Variants in EME1 observed in about 807,000 individuals in gnomAD.
EME1 encodes the protein structure-specific endonuclease subunit EME1.
Under a neutral mutation model 59.1 loss-of-function variants are expected in EME1, and 61 were observed. The observed-to-expected ratio is 1.03, with a 90% confidence interval of 0.84 to 1.28. EME1 has a LOEUF of 1.28. EME1 is among the 50% of genes most tolerant of loss of function. The pLI is 0.00. For missense variants in EME1, 635 were observed against 682.6 expected (o/e 0.93, Z 0.78); for synonymous variants, 230 against 254.2 (o/e 0.90, Z 0.90).
chr17:50,375,364 T>C lies in EME1; in HGVS notation c.156T>C (p.Cys52=). 1 of 1,614,208 alleles carries C rather than the reference T, an allele frequency of 6.2e-7. No individual in the cohort carries two copies. Among genetic ancestry groups the C allele is most frequent in the Non-Finnish European group, 8.5e-7 (1 of 1,180,038 alleles). Reference sequence around the variant, plus strand: ...TTGTAGTGGTTGACATCTCAGATTGTGAAGCCTCCTGTCCTCCAGCACCAG... The same window carrying C: ...TTGTAGTGGTTGACATCTCAGATTGCGAAGCCTCCTGTCCTCCAGCACCAG... ...EKIVVVDISD[C]EASCPPAPEL... is the part of the protein sequence containing the mutation. Residue 52 remains cysteine (C), a synonymous_variant, in exon 2 of 9, where the codon TGT becomes TGC. Coordinates refer to ENST00000338165, the MANE Select transcript of EME1 (RefSeq NM_152463.4).
At chr17:50,378,948 G>A in intron 5 of EME1, 53 bp downstream of exon 5, 2 of 1,613,640 alleles carry the variant, frequency 1.2e-6, no homozygotes, top group Admixed American at 3.3e-5. Flanking sequence ...CTTGGGCCAA[G>A]GGGGGTGAGT....
In EME1 at chr17:50,379,520, C is replaced by T. The variant is rs781013256; in HGVS notation, c.1299C>T (p.Ala433=). The part of the protein sequence containing the change: ...AQIVQSWKEL[A]DFTCAFTKAV... The stretch of plus-strand genomic sequence containing the variant: ...TTGTGCAGAGCTGGAAAGAGCTGGC[C>T]GACTTCACATGCGCATTCACAAAGG... The change falls in exon 7 of 9, where the codon GCC becomes GCT. Residue 433 remains alanine, a synonymous_variant. Coordinates refer to ENST00000338165, the MANE Select transcript of EME1 (RefSeq NM_152463.4). 6.2e-6 allele frequency: 10 copies of T among 1,614,176 alleles called. No individual in the cohort carries two copies. Among genetic ancestry groups the T allele is most frequent in the East Asian group, 4.5e-5 (2 of 44,884 alleles).
intron 7 of EME1, 177 bp from the exon 8 acceptor site, chr17:50,380,135 T>C: frequency 3.4e-6 from 2 of 587,254 alleles, no homozygotes; most frequent in Non-Finnish European, 6.0e-6. Flanking sequence ...AATCAGCAAC[T>C]GGCCCTATAC....
Position 50,375,794 on chromosome 17 carries a change from C to T in EME1, c.586C>T (p.Gln196Ter). ...AACAAATTCTGACATCCTTCCACCC[C>T]AGAAGAAAACCAAGCCGAGTCAGAA... is the stretch of plus-strand genomic sequence containing the variant. ...TKTNSDILPP[Q>*]KKTKPSQKVQ... Residue 196 changes from glutamine (Q) to a stop codon, truncating the protein, a stop_gained, in exon 2 of 9, where the codon CAG (glutamine) becomes TAG (stop). Coordinates refer to ENST00000338165, the MANE Select transcript of EME1 (RefSeq NM_152463.4). LOFTEE classifies it high-confidence loss of function. 6.2e-7 allele frequency: 1 copy of T among 1,614,150 alleles called. No individual in the cohort carries two copies. Among genetic ancestry groups the T allele is most frequent in the South Asian group, 1.1e-5 (1 of 91,082 alleles).
At position 50,378,597 on chromosome 17, in the gene EME1, C is replaced by G. The variant is rs1330898947; in HGVS notation, c.906C>G (p.Asp302Glu). ...TWRRRAGPSE[D>E]REDWVEEPTV... ...CTGTGTTCTGGGTACTTTGGCAGGACAGAGAGGACTGGGTGGAGGAGCCAA... is the reference window on the plus strand; with the variant it reads ...CTGTGTTCTGGGTACTTTGGCAGGAGAGAGAGGACTGGGTGGAGGAGCCAA... Residue 302 changes from aspartate (D) to glutamate (E), a missense_variant and splice_region_variant, in exon 4 of 9, where the codon GAC becomes GAG. Asp to Glu is a conservative substitution (Grantham distance 45, BLOSUM62 2). Transcript: ENST00000338165. The G allele has an allele frequency of 6.2e-7, 1 of 1,613,374 alleles. No individual in the cohort carries two copies. Among genetic ancestry groups the G allele is most frequent in the Non-Finnish European group, 8.5e-7 (1 of 1,179,894 alleles).
intron 8 of EME1, 75 bp from the exon 9 acceptor site, chr17:50,380,688 G>A (rs1054369330): frequency 1.9e-5 from 30 of 1,597,344 alleles, no homozygotes; most frequent in African/African-American, 1.1e-4. Flanking sequence ...CAAGCCAAGC[G>A]TAGCACCCTC....
intron 7 of EME1, chr17:50,380,095 C>T (rs1360881238): frequency 4.0e-6 from 2 of 505,062 alleles, no homozygotes; most frequent in African/African-American, 3.9e-5. Context: ...TTTTCTTCTA[C>T]TATAATGGAC....
intron 1 of EME1, among the ~76,000 whole-genome samples, chr17:50,373,931 A>G (rs903914596): frequency 1.3e-5 from 2 of 152,278 alleles, no homozygotes; most frequent in Non-Finnish European, 2.9e-5. Context: ...CTACTGATAC[A>G]GGCTACATCA....
chr17:50,381,075 T>C lies in EME1; in HGVS notation c.*136T>C. Reference sequence around the variant, plus strand: ...GAGGCCCAGTCTTTCTTGGGTCTTATTATTTGTGAAGGTCTCTCTGCCTGT... The same window carrying C: ...GAGGCCCAGTCTTTCTTGGGTCTTACTATTTGTGAAGGTCTCTCTGCCTGT... On this transcript the variant is annotated 3_prime_UTR_variant, in exon 9 of 9. Coordinates refer to ENST00000338165, the MANE Select transcript of EME1 (RefSeq NM_152463.4). The C allele has an allele frequency of 3.1e-6, 3 of 964,694 alleles. No homozygotes were observed. The South Asian group carries it at 5.1e-5, about 16-fold the overall frequency. The allele number at this position is 964,694 out of a possible 1,614,324, so 59.8% of individuals were successfully genotyped here.
intron 7 of EME1, 180 bp downstream of exon 7, chr17:50,379,747 C>T (rs184136706): frequency 1.7e-6 from 1 of 591,138 alleles, no homozygotes; most frequent in East Asian, 2.8e-5. Context: ...AAGCCTAGCG[C>T]CTTTTCAAAT....
At chr17:50,376,892 G>T (rs1913502118) in intron 3 of EME1, among the ~76,000 whole-genome samples, 1 of 152,170 alleles carries the variant, frequency 6.6e-6, no homozygotes, top group Admixed American at 6.5e-5. Flanking sequence ...TGGGCCCTGT[G>T]TTTTTTGTAG....
At chr17:50,380,015 C>T (rs1301986689) in intron 7 of EME1, 3 of 363,242 alleles carry the variant, frequency 8.3e-6, no homozygotes, top group African/African-American at 4.1e-5. Flanking sequence ...ATTGACTTGT[C>T]TAAGCTCCTA....
At chr17:50,379,891 G>T in intron 7 of EME1, 1 of 327,924 alleles carries the variant, frequency 3.0e-6, no homozygotes, top group Non-Finnish European at 5.7e-6. Context: ...CAAATTTTTG[G>T]CCTACTCAGT....
At chr17:50,380,724 T>G (rs372672525) in intron 8 of EME1, 39 bp from the exon 9 acceptor site, 10 of 1,611,976 alleles carry the variant, frequency 6.2e-6, no homozygotes, top group African/African-American at 1.3e-5. Context: ...GGGATCACCA[T>G]GGATGGTACC....
At chr17:50,379,920 C>A in intron 7 of EME1, 1 of 299,714 alleles carries the variant, frequency 3.3e-6, no homozygotes, top group Admixed American at 4.6e-5. Context: ...TGTTCACTGT[C>A]AGAATTTAAA....
At position 50,376,203 on chromosome 17, in the gene EME1, T is replaced by A. The variant is rs780288194; in HGVS notation, c.903+10T>A. 8.1e-6 allele frequency: 13 copies of A among 1,609,764 alleles called. 1 individual carries two copies. In the South Asian group the frequency reaches 1.4e-4, roughly 18 times the overall value. On this transcript the variant is annotated intron_variant, in intron 3 of 8. Transcript: ENST00000338165. ...GGCTGGGCCGTCTGAGGTAGGAGTT[T>A]TCTGGCTGACATTTCCTCCCTCTCC... is the stretch of plus-strand genomic sequence containing the variant.
Position 50,376,203 on chromosome 17 carries a change from T to C in EME1, c.903+10T>C. The C allele has an allele frequency of 6.2e-7, 1 of 1,609,882 alleles. No homozygotes were observed. The highest frequency in any genetic ancestry group is 1.3e-5 in the African/African-American group (1 of 74,958). On this transcript the variant is annotated intron_variant, in intron 3 of 8. Coordinates refer to ENST00000338165, the MANE Select transcript of EME1 (RefSeq NM_152463.4). ...GGCTGGGCCGTCTGAGGTAGGAGTT[T>C]TCTGGCTGACATTTCCTCCCTCTCC...
rs144301300 is a variant in EME1, at chr17:50,374,297, G to A, written c.-24-888G>A. Among the ~76,000 whole-genome samples, 264 of 152,192 alleles carry A rather than the reference G, an allele frequency of 1.7e-3. 9 individuals carry two copies. The East Asian group carries it at 0.042, about 24-fold the overall frequency. On this transcript the variant is annotated intron_variant, in intron 1 of 8. Transcript: ENST00000338165. ...CTGTCACCCGGGCTGGAGTGCAGTC[G>A]TACAATCACAGCTCACTGCAGCCTT...
Position 50,378,639 on chromosome 17 carries a change from C to T in EME1, c.948C>T (p.Leu316=). 4.3e-6 allele frequency: 7 copies of T among 1,614,042 alleles called. No homozygotes were observed. In the African/African-American group the frequency reaches 6.7e-5, roughly 15 times the overall value. ...WVEEPTVLVL[L]RAEAFVSMID... is the part of the protein sequence containing the mutation. ...AGGAGCCAACAGTACTGGTGTTGCT[C>T]CGGGCAGAGGCATTTGTGTCCATGA... is the stretch of plus-strand genomic sequence containing the variant. Residue 316 remains leucine, a synonymous_variant, in exon 4 of 9, where the codon CTC becomes CTT. Transcript: ENST00000338165.
Sources: allele counts gnomAD v4.1 joint callset (sites outside exome capture counted in the v4.1 genomes callset), GRCh38; gene constraint gnomAD v4.1.1; transcripts MANE v1.5; gene names NCBI Gene and HGNC (gene_info 2026-07-23, HGNC 2026-07-21).